MLIP: variants seen among roughly 807,000 people sequenced by gnomAD.
MLIP encodes muscular LMNA interacting protein, also known as muscular LMNA-interacting protein.
In MLIP, 79 loss-of-function variants were observed where a neutral mutation model predicts 84.8. The ratio of observed to expected loss-of-function variants is 0.93; its 90% CI spans 0.78 to 1.12. The LOEUF (loss-of-function observed/expected upper bound fraction) is 1.12. Among genes scored for constraint, MLIP ranks in the 50% most tolerant of loss-of-function variants. The pLI, the probability that MLIP is intolerant of heterozygous loss-of-function variation, is 0.00. For synonymous variants in MLIP, 504 were observed against 463.0 expected (o/e 1.09, Z -1.14); for missense variants, 1,257 against 1,160.6 (o/e 1.08, Z -1.21).
rs1331893426 is a variant in MLIP at position 54,137,113 on chromosome 6, T to G, written c.1044T>G (p.Ser348=). ...SHGESPRTSS[S]PPSSSASLKS... is the part of the protein sequence containing the mutation. ...GAGAAAGTCCGAGAACCTCTTCTTCTCCACCGTCCTCCAGTGCTTCTCTGA... is the reference window on the plus strand; with the variant it reads ...GAGAAAGTCCGAGAACCTCTTCTTCGCCACCGTCCTCCAGTGCTTCTCTGA... The change falls in exon 4 of 14, where the codon TCT becomes TCG. Residue 348 remains serine, a synonymous_variant. Coordinates refer to ENST00000502396, the MANE Select transcript of MLIP (RefSeq NM_001281747.2). 4.6e-6 allele frequency: 7 copies of G among 1,535,912 alleles called. No homozygotes were observed. In the East Asian group the frequency reaches 1.7e-4, roughly 38 times the overall value.
At chr6:54,177,073 ATG>A (rs1321750553) in intron 9 of MLIP, among the ~76,000 whole-genome samples, 1 of 152,230 alleles carries the variant, frequency 6.6e-6, no homozygotes, top group African/African-American at 2.4e-5. Flanking sequence ...AAAGACTTAA[ATG>A]TAAAGCCTCT....
chr6:54,166,637 T>G (rs997575508), intron 8 of MLIP, among the ~76,000 whole-genome samples: 7 of 151,968 alleles, frequency 4.6e-5, no homozygotes, highest in Non-Finnish European at 8.8e-5. Context: ...CTTCCCAAAC[T>G]GTTAATGTTG....
At chr6:54,205,945 G>T (rs911501547) in intron 11 of MLIP, among the ~76,000 whole-genome samples, 1 of 152,054 alleles carries the variant, frequency 6.6e-6, no homozygotes, top group African/African-American at 2.4e-5. Context: ...TAAATCTATG[G>T]ATTTAAAAAC....
intron 1 of MLIP, among the ~76,000 whole-genome samples, chr6:54,082,896 T>C (rs1284416968): frequency 6.6e-6 from 1 of 152,214 alleles, no homozygotes; most frequent in Admixed American, 6.5e-5. Flanking sequence ...TTACTGCAAA[T>C]ATATTCTCCC....
At chr6:54,108,296 G>A (rs1407989834), upstream of MLIP, among the ~76,000 whole-genome samples, 2 of 152,192 alleles carry the variant, frequency 1.3e-5, no homozygotes, top group Non-Finnish European at 2.9e-5. Context: ...GTCTTGGGCA[G>A]ACCATAGATG....
intron 1 of MLIP, among the ~76,000 whole-genome samples, chr6:54,113,858 A>G (rs775385256): frequency 2.6e-5 from 4 of 152,118 alleles, no homozygotes; most frequent in Non-Finnish European, 4.4e-5. Flanking sequence ...CCTTACCTAT[A>G]CAAACTGAAC....
chr6:54,110,226 G>T (rs947090256), upstream of MLIP, among the ~76,000 whole-genome samples: 1 of 151,676 alleles, frequency 6.6e-6, no homozygotes, highest in Non-Finnish European at 1.5e-5. Flanking sequence ...CTTGTGGTCC[G>T]CCCGCCTCGG....
At chr6:54,171,700 T>G (rs1169053585) in intron 9 of MLIP, among the ~76,000 whole-genome samples, 1 of 151,588 alleles carries the variant, frequency 6.6e-6, no homozygotes, top group East Asian at 1.9e-4. Flanking sequence ...ATGTTCTGTT[T>G]TTTTAAAAGA....
upstream of MLIP, among the ~76,000 whole-genome samples, chr6:54,109,117 T>C (rs1454789705): frequency 1.3e-5 from 2 of 150,650 alleles, no homozygotes; most frequent in African/African-American, 4.9e-5. Context: ...CATATATATT[T>C]ACATACATAT....
intron 4 of MLIP, among the ~76,000 whole-genome samples, chr6:54,145,111 A>G (rs1354676744): frequency 6.6e-6 from 1 of 152,222 alleles, no homozygotes; most frequent in Non-Finnish European, 1.5e-5. Flanking sequence ...GAGAGAACCA[A>G]TAGGTATTAT....
chr6:54,127,851 A>C (rs1016785912), intron 3 of MLIP, among the ~76,000 whole-genome samples: 12 of 152,188 alleles, frequency 7.9e-5, no homozygotes, highest in Non-Finnish European at 1.8e-4. Context: ...CTGTTGAATC[A>C]AAATCCTCTT....
intron 12 of MLIP, among the ~76,000 whole-genome samples, chr6:54,234,476 C>T (rs1781230614): frequency 6.6e-6 from 1 of 152,098 alleles, no homozygotes; most frequent in South Asian, 2.1e-4. Context: ...CCTTTGTATG[C>T]AGAAGCCTAA....
chr6:54,257,137 T>C (rs1582649305), intron 12 of MLIP, among the ~76,000 whole-genome samples, 171 bp from the exon 13 acceptor site: 1 of 152,188 alleles, frequency 6.6e-6, no homozygotes, highest in East Asian at 1.9e-4. Flanking sequence ...CCAAAATATC[T>C]TCCTTTTGTC....
intron 9 of MLIP, among the ~76,000 whole-genome samples, chr6:54,172,417 G>A (rs944581779): frequency 1.3e-5 from 2 of 151,558 alleles, no homozygotes; most frequent in African/African-American, 4.8e-5. Flanking sequence ...ACTGGGGTGC[G>A]AAGAGTGAAC....
chr6:54,177,964 T>C (rs1776466781), intron 9 of MLIP, among the ~76,000 whole-genome samples: 1 of 152,064 alleles, frequency 6.6e-6, no homozygotes, highest in Admixed American at 6.6e-5. Context: ...AAACACCACA[T>C]ATTCTCACAT....
chr6:54,104,542 G>A (rs1768876593), intron 1 of MLIP, among the ~76,000 whole-genome samples: 1 of 152,066 alleles, frequency 6.6e-6, no homozygotes, highest in Non-Finnish European at 1.5e-5. Context: ...TGTTGCTTGT[G>A]CAACTGCTGT....
intron 11 of MLIP, among the ~76,000 whole-genome samples, chr6:54,206,722 T>G (rs1301058929): frequency 6.6e-6 from 1 of 152,300 alleles, no homozygotes; most frequent in East Asian, 1.9e-4. Context: ...GACTTTCAGG[T>G]TTCTATCTAA....
chr6:54,101,396 A>G (rs1401523831), intron 1 of MLIP, among the ~76,000 whole-genome samples: 1 of 144,398 alleles, frequency 6.9e-6, no homozygotes, highest in Admixed American at 7.2e-5. Context: ...CAGGCCATAC[A>G]CTAGGGCTCT....
intron 3 of MLIP, among the ~76,000 whole-genome samples, chr6:54,135,884 A>G (rs1329362379): frequency 6.6e-6 from 1 of 152,162 alleles, no homozygotes; most frequent in African/African-American, 2.4e-5. Flanking sequence ...CTCTTGTAAA[A>G]TGATGAATTG....
Sources: gnomAD v4.1 joint callset for allele counts (sites outside exome capture counted in the v4.1 genomes callset) on GRCh38, gnomAD v4.1.1 for gene constraint, MANE v1.5 for transcripts, NCBI Gene and HGNC (gene_info 2026-07-23, HGNC 2026-07-21) for gene names.